Variants in NRXN1 observed in about 807,000 individuals in gnomAD.
The protein encoded by NRXN1 is neurexin-1.
A neutral mutation model predicts 150.9 loss-of-function variants in NRXN1; 39 were observed. That is an observed-to-expected ratio of 0.26 (90% CI 0.20 to 0.34). NRXN1 has a LOEUF of 0.34. Ranked by LOEUF, NRXN1 falls within the 10% of genes least tolerant of loss-of-function variation. The probability of loss-of-function intolerance (pLI) is 1.00; values close to 1 mark genes in which losing one functional copy is unlikely to be tolerated. For synonymous variants in NRXN1, 924 were observed against 757.0 expected (o/e 1.22, Z -3.62); for missense variants, 1,815 against 1,949.9 (o/e 0.93, Z 1.30).
At chr2:50,245,476 A>G (rs2066413398) in intron 17 of NRXN1, among the ~76,000 whole-genome samples, 1 of 151,988 alleles carries the variant, frequency 6.6e-6, no homozygotes, top group Admixed American at 6.6e-5. Flanking sequence ...GTAACTCAGT[A>G]ATCAATTTGT....
intron 21 of NRXN1, among the ~76,000 whole-genome samples, chr2:50,008,924 C>T (rs1410155796): frequency 6.6e-6 from 1 of 152,028 alleles, no homozygotes; most frequent in Non-Finnish European, 1.5e-5. Context: ...ATGTTAATTA[C>T]AAAGTTTTTA....
chr2:50,456,136 A>G (rs1228059730), intron 17 of NRXN1, among the ~76,000 whole-genome samples: 5 of 152,178 alleles, frequency 3.3e-5, no homozygotes, highest in Admixed American at 3.3e-4. Flanking sequence ...AACAGTTTCC[A>G]CTGTCTCCTT....
chr2:50,372,628 C>G (rs375591891), intron 17 of NRXN1, among the ~76,000 whole-genome samples: 1 of 152,210 alleles, frequency 6.6e-6, no homozygotes, highest in South Asian at 2.1e-4. Flanking sequence ...TAAAGTTTTT[C>G]TATTTCAAAT....
intron 17 of NRXN1, among the ~76,000 whole-genome samples, chr2:50,412,315 T>TA (rs892539711): frequency 1.2e-4 from 15 of 121,948 alleles, no homozygotes; most frequent in Admixed American, 1.1e-3. Context: ...CAATAAATAC[T>TA]AAAAAAATAA....
intron 21 of NRXN1, among the ~76,000 whole-genome samples, chr2:49,967,462 C>G (rs1277989244): frequency 6.6e-6 from 1 of 152,014 alleles, no homozygotes; most frequent in African/African-American, 2.4e-5. Context: ...CCAAAACAAG[C>G]AACCTACAAA....
At chr2:50,981,682 C>A (rs908162751) in intron 2 of NRXN1, among the ~76,000 whole-genome samples, 1 of 151,792 alleles carries the variant, frequency 6.6e-6, no homozygotes, top group Non-Finnish European at 1.5e-5. Context: ...ATTACGATAT[C>A]TTTGACAGCT....
At chr2:50,286,288 A>G (rs1386026115) in intron 17 of NRXN1, among the ~76,000 whole-genome samples, 2 of 152,052 alleles carry the variant, frequency 1.3e-5, no homozygotes, top group African/African-American at 4.8e-5. Flanking sequence ...AACTCCACCA[A>G]CACCACCTCA....
At chr2:50,375,679 A>G (rs2080435159) in intron 17 of NRXN1, among the ~76,000 whole-genome samples, 1 of 151,412 alleles carries the variant, frequency 6.6e-6, no homozygotes, top group African/African-American at 2.4e-5. Context: ...CAATAGCAAT[A>G]GTCAAACTGA....
intron 17 of NRXN1, among the ~76,000 whole-genome samples, chr2:50,258,330 G>C (rs1416645729): frequency 6.6e-6 from 1 of 151,960 alleles, no homozygotes; most frequent in Non-Finnish European, 1.5e-5. Flanking sequence ...ATCCATTGTT[G>C]TCATTTCAAC....
intron 21 of NRXN1, among the ~76,000 whole-genome samples, chr2:50,043,659 G>A (rs1691361203): frequency 1.3e-5 from 2 of 152,128 alleles, no homozygotes. Flanking sequence ...TAAGCTTGGA[G>A]GTGTAGAAAA....
At chr2:50,861,069 T>G in intron 5 of NRXN1, among the ~76,000 whole-genome samples, 1 of 152,050 alleles carries the variant, frequency 6.6e-6, no homozygotes, top group East Asian at 1.9e-4. Context: ...GCTGAAAGGT[T>G]GGTTGGTCAT....
At chr2:50,057,300 G>T (rs937445562) in intron 19 of NRXN1, among the ~76,000 whole-genome samples, 4 of 151,912 alleles carry the variant, frequency 2.6e-5, no homozygotes, top group African/African-American at 9.7e-5. Context: ...TTCTCTCTGG[G>T]ACTTTGCACA....
chr2:50,007,179 C>T (rs1269053626), intron 21 of NRXN1, among the ~76,000 whole-genome samples: 1 of 144,342 alleles, frequency 6.9e-6, no homozygotes, highest in Non-Finnish European at 1.5e-5. Context: ...CTTGTCTCTA[C>T]AGAAAATAAA....
intron 5 of NRXN1, among the ~76,000 whole-genome samples, chr2:50,780,742 TA>T (rs1476000391): frequency 1.3e-5 from 2 of 152,204 alleles, no homozygotes; most frequent in Non-Finnish European, 2.9e-5. Context: ...GTTGAACATT[TA>T]AAAATTTGTT....
chr2:50,035,393 T>A (rs1689870246), intron 21 of NRXN1, among the ~76,000 whole-genome samples: 1 of 152,094 alleles, frequency 6.6e-6, no homozygotes, highest in Non-Finnish European at 1.5e-5. Flanking sequence ...CTTAAAATGT[T>A]TTTAGATTGC....
chr2:50,630,522 G>A (rs1682086565), intron 5 of NRXN1, among the ~76,000 whole-genome samples: 1 of 151,614 alleles, frequency 6.6e-6, no homozygotes, highest in African/African-American at 2.4e-5. Context: ...AATCTGCAAG[G>A]AAATTACCGT....
chr2:50,525,084 T>C (rs2092909995), intron 12 of NRXN1, among the ~76,000 whole-genome samples: 1 of 152,250 alleles, frequency 6.6e-6, no homozygotes, highest in Non-Finnish European at 1.5e-5. Flanking sequence ...CAATAGAAAA[T>C]TCTTTTTGCA....
At chr2:50,051,078 T>C (rs1198745947) in intron 21 of NRXN1, among the ~76,000 whole-genome samples, 4 of 152,060 alleles carry the variant, frequency 2.6e-5, no homozygotes, top group Non-Finnish European at 5.9e-5. Context: ...AAACTGCTGC[T>C]GTCTTCAAAC....
intron 17 of NRXN1, among the ~76,000 whole-genome samples, chr2:50,259,648 C>A (rs1429331902): frequency 6.6e-6 from 1 of 151,826 alleles, no homozygotes; most frequent in African/African-American, 2.4e-5. Flanking sequence ...AAAATATTCT[C>A]CAAATGTAAT....
Sources: gnomAD v4.1 joint callset for allele counts (sites outside exome capture counted in the v4.1 genomes callset) on GRCh38, gnomAD v4.1.1 for gene constraint, MANE v1.5 for transcripts, NCBI Gene and HGNC (gene_info 2026-07-23, HGNC 2026-07-21) for gene names.